SLC39A13: variants seen among roughly 807,000 people sequenced by gnomAD.
SLC39A13 encodes solute carrier family 39 member 13.
A neutral mutation model predicts 38.7 loss-of-function variants in SLC39A13; 18 were observed. The ratio of observed to expected loss-of-function variants is 0.47; its 90% CI spans 0.32 to 0.69. SLC39A13 has a LOEUF of 0.69. SLC39A13 is among the 30% of genes least tolerant of loss of function. The probability of loss-of-function intolerance (pLI) is 0.03; values close to 1 mark genes in which losing one functional copy is unlikely to be tolerated. For missense variants in SLC39A13, 395 were observed against 490.7 expected, an observed-to-expected ratio of 0.80 and a Z score of 1.84; for synonymous variants, 212 against 219.1, an observed-to-expected ratio of 0.97 and a Z score of 0.29.
At chr11:47,410,027 T>C (rs570397105) in intron 1 of SLC39A13, 60 bp from the exon 2 acceptor site, 6 of 1,602,716 alleles carry the variant, frequency 3.7e-6, no homozygotes, top group Non-Finnish European at 5.1e-6. Context: ...GCGCCACGTT[T>C]CCTAAGCAGG....
chr11:47,415,168 C>A lies in SLC39A13; in HGVS notation c.1040+9C>A. On this transcript the variant is annotated intron_variant, in intron 9 of 9. Transcript: ENST00000362021. ...GAAGAAGAGGACCCGTGGTGAGTGA[C>A]CTGTTGGAGGAAGAGGACTGCCACT... The A allele has an allele frequency of 6.2e-7, 1 of 1,611,558 alleles. No homozygotes were observed. Among genetic ancestry groups the A allele is most frequent in the Non-Finnish European group, 8.5e-7 (1 of 1,178,868 alleles).
intron 1 of SLC39A13, chr11:47,409,331 C>T (rs1353180176): frequency 6.6e-6 from 1 of 152,328 alleles, no homozygotes; most frequent in African/African-American, 2.4e-5. Flanking sequence ...TGCGCCTCCT[C>T]ATGCCGGGTA....
At chr11:47,412,564 AGG>A (rs1227361937) in intron 4 of SLC39A13, 97 bp downstream of exon 4, 2 of 1,593,094 alleles carry the variant, frequency 1.3e-6, no homozygotes, top group African/African-American at 2.7e-5. Context: ...CCCTGAAAAG[AGG>A]GGTCTCCTGG....
rs780145525 is a variant in SLC39A13 at position 47,415,328 on chromosome 11, G to T, written c.1081G>T (p.Val361Leu). The T allele has an allele frequency of 6.2e-7, 1 of 1,614,074 alleles. No homozygotes were observed. Among genetic ancestry groups the T allele is most frequent in the East Asian group, 2.2e-5 (1 of 44,880 alleles). ...QQLLLLCAGIVVMVLFSLFVD is the reference protein window; with the variant it reads ...QQLLLLCAGILVMVLFSLFVD ...GCTGCTTCTGCTCTGTGCGGGCATC[G>T]TGGTAATGGTGCTGTTCTCGCTCTT... Residue 361 changes from valine to leucine, a missense_variant, in exon 10 of 10, where the codon GTG (valine) becomes TTG (leucine). Transcript: ENST00000362021.
chr11:47,411,920 T>G lies in SLC39A13; in HGVS notation c.302-6T>G. 1 of 1,612,098 alleles carries G rather than the reference T, an allele frequency of 6.2e-7. No individual in the cohort carries two copies. The highest frequency in any genetic ancestry group is 2.2e-5 in the East Asian group (1 of 44,860). The stretch of plus-strand genomic sequence containing the variant: ...AGCCCCCAGACCCCGCATCTCTCCC[T>G]TGTAGCTGGGGCCTGGCGCCTGAAG... On this transcript the variant is annotated splice_polypyrimidine_tract_variant and splice_region_variant and intron_variant, in intron 2 of 9. Transcript: ENST00000362021.
At chr11:47,414,375 GTGC>G in intron 6 of SLC39A13, 47 bp from the exon 7 acceptor site, 3 of 1,574,720 alleles carry the variant, frequency 1.9e-6, no homozygotes, top group Non-Finnish European at 2.6e-6. Flanking sequence ...GGCGAGTGGG[GTGC>G]TCAGCCCTCA....
rs981865651 is a variant in SLC39A13, at chr11:47,409,879, G to A, written c.-8-208G>A. ...GACACAGTCTGGAGCTGCTCAGAAG[G>A]AAAAAATACGCAGTGCTCAGGAGTA... On this transcript the variant is annotated intron_variant, in intron 1 of 9. Coordinates refer to ENST00000362021, the MANE Select transcript of SLC39A13 (RefSeq NM_001128225.3). 6.2e-5 allele frequency: 37 copies of A among 598,688 alleles called. 2 individuals carry two copies. The Admixed American group carries it at 6.2e-4, about 10-fold the overall frequency. The allele number at this position is 598,688 out of a possible 1,614,324, so 37.1% of individuals were successfully genotyped here.
rs780145525 is a variant in SLC39A13 at position 47,415,328 on chromosome 11, G to A, written c.1081G>A (p.Val361Met). Residue 361 changes from valine to methionine, a missense_variant, in exon 10 of 10, where the codon GTG becomes ATG. Val to Met is a conservative substitution (Grantham distance 21). Coordinates refer to ENST00000362021, the MANE Select transcript of SLC39A13 (RefSeq NM_001128225.3). ...GCTGCTTCTGCTCTGTGCGGGCATC[G>A]TGGTAATGGTGCTGTTCTCGCTCTT... ...QQLLLLCAGI[V>M]VMVLFSLFVD The A allele has an allele frequency of 6.2e-6, 10 of 1,613,956 alleles. No homozygotes were observed. The highest frequency in any genetic ancestry group is 2.2e-5 in the East Asian group (1 of 44,892).
In SLC39A13 at chr11:47,415,567, G is replaced by A; in HGVS notation, c.*204G>A. The A allele has an allele frequency of 3.0e-6, 2 of 676,620 alleles. No homozygotes were observed. The highest frequency in any genetic ancestry group is 5.3e-6 in the Non-Finnish European group (2 of 377,714). 41.9% of individuals were successfully genotyped at this position (676,620 alleles called of 1,614,324 possible). On this transcript the variant is annotated 3_prime_UTR_variant, in exon 10 of 10. Transcript: ENST00000362021. The stretch of plus-strand genomic sequence containing the variant: ...GCGCGAGACCGACACTGTGATCCCT[G>A]TGCTGGGTCCGGGGCCCAGTGTAGC...
chr11:47,412,911 G>A (rs1297257518), intron 4 of SLC39A13, among the ~76,000 whole-genome samples: 7 of 149,208 alleles, frequency 4.7e-5, no homozygotes, highest in South Asian at 4.2e-4. Context: ...ACAGGTGCGC[G>A]CCACCATGCC....
In SLC39A13 at chr11:47,415,166, G is replaced by A; in HGVS notation, c.1040+7G>A. 6.2e-7 allele frequency: 1 copy of A among 1,611,458 alleles called. No homozygotes were observed. Among genetic ancestry groups the A allele is most frequent in the Non-Finnish European group, 8.5e-7 (1 of 1,178,794 alleles). ...TGGAAGAAGAGGACCCGTGGTGAGT[G>A]ACCTGTTGGAGGAAGAGGACTGCCA... On this transcript the variant is annotated splice_region_variant and intron_variant, in intron 9 of 9. Transcript: ENST00000362021.
At chr11:47,413,372 C>G (rs1565665145) in intron 4 of SLC39A13, 28 bp from the exon 5 acceptor site, 2 of 1,609,384 alleles carry the variant, frequency 1.2e-6, no homozygotes, top group Non-Finnish European at 1.7e-6. Flanking sequence ...CATCTAATGT[C>G]ACCTCTCCCT....
At chr11:47,410,502 G>A in intron 2 of SLC39A13, 107 bp downstream of exon 2, 1 of 1,415,854 alleles carries the variant, frequency 7.1e-7, no homozygotes, top group Non-Finnish European at 9.8e-7. Flanking sequence ...GGAGGGAGAG[G>A]ATAGAATAGA....
At chr11:47,409,908 T>C in intron 1 of SLC39A13, 179 bp from the exon 2 acceptor site, 3 of 663,112 alleles carry the variant, frequency 4.5e-6, no homozygotes, top group Non-Finnish European at 7.9e-6. Flanking sequence ...AGGAGTAGGG[T>C]GTGGAGACAC....
rs1439964023 is a variant in SLC39A13, at chr11:47,413,527, C to A, written c.645+20C>A. The stretch of plus-strand genomic sequence containing the variant: ...ATCAAAGTGAGTGGCCTGCTCAGGG[C>A]CCCTGCAGCCGTACTGCCCTGAGTG... On this transcript the variant is annotated intron_variant, in intron 5 of 9. Transcript: ENST00000362021. 1 of 1,613,904 alleles carries A rather than the reference C, an allele frequency of 6.2e-7. No homozygotes were observed. Among genetic ancestry groups the A allele is most frequent in the Admixed American group, 1.7e-5 (1 of 60,012 alleles).
At chr11:47,409,689 C>T (rs1194944590) in intron 1 of SLC39A13, 1 of 234,826 alleles carries the variant, frequency 4.3e-6, no homozygotes, top group Non-Finnish European at 8.5e-6. Context: ...TCCACCCCAT[C>T]CCCTTAGAAG....
rs199887251 is a variant in SLC39A13, at chr11:47,415,413, A to C, written c.*50A>C. On this transcript the variant is annotated 3_prime_UTR_variant, in exon 10 of 10. Transcript: ENST00000362021. ...CCCCCTGCAGCAATAAGATGCTCGG[A>C]TTCACTCTGTGACCGCATATGTGAG... The C allele has an allele frequency of 6.3e-7, 1 of 1,598,850 alleles. No homozygotes were observed. The highest frequency in any genetic ancestry group is 8.6e-7 in the Non-Finnish European group (1 of 1,167,606).
chr11:47,410,023 C>T lies in SLC39A13; in HGVS notation c.-8-64C>T, dbSNP rs868221455. On this transcript the variant is annotated intron_variant, in intron 1 of 9. Transcript: ENST00000362021. ...CCTTGCGGGGAGGAGGGAGGCGCCA[C>T]GTTTCCTAAGCAGGTGTGCGGCCAA... 62 of 1,595,972 alleles carry T rather than the reference C, an allele frequency of 3.9e-5. No homozygotes were observed. The Middle Eastern group carries it at 1.8e-3, about 46-fold the overall frequency.
At chr11:47,408,361 C>T (rs1037093325), upstream of SLC39A13, among the ~76,000 whole-genome samples, 1 of 152,094 alleles carries the variant, frequency 6.6e-6, no homozygotes, top group Non-Finnish European at 1.5e-5. Context: ...GCGTGTGGCT[C>T]TCTCACTTCC....
Sources: allele counts gnomAD v4.1 joint callset (sites outside exome capture counted in the v4.1 genomes callset), GRCh38; gene constraint gnomAD v4.1.1; transcripts MANE v1.5; gene names NCBI Gene and HGNC (gene_info 2026-07-23, HGNC 2026-07-21).